MPP7: variants seen among roughly 807,000 people sequenced by gnomAD.
MPP7 encodes the protein MAGUK p55 subfamily member 7.
Under a neutral mutation model 76.5 loss-of-function variants are expected in MPP7, and 60 were observed. The ratio of observed to expected loss-of-function variants is 0.78; its 90% CI spans 0.64 to 0.97. MPP7 has a LOEUF of 0.97. MPP7 is among the 50% of genes least tolerant of loss of function. The pLI, the probability that MPP7 is intolerant of heterozygous loss-of-function variation, is 0.00. For synonymous variants in MPP7, 237 were observed against 244.5 expected (o/e 0.97, Z 0.29); for missense variants, 641 against 694.0 (o/e 0.92, Z 0.86).
intron 5 of MPP7, among the ~76,000 whole-genome samples, chr10:28,134,773 C>T (rs1382366893): frequency 6.6e-6 from 1 of 151,756 alleles, no homozygotes; most frequent in African/African-American, 2.4e-5. Flanking sequence ...AAGAGAAGAT[C>T]CTAAAAGTAC....
At chr10:28,321,585 T>C (rs1246203712) in intron 2 of MPP7, among the ~76,000 whole-genome samples, 1 of 152,094 alleles carries the variant, frequency 6.6e-6, no homozygotes, top group Admixed American at 6.5e-5. Flanking sequence ...TTAATAGAAA[T>C]TTTTTTGTTT....
intron 4 of MPP7, among the ~76,000 whole-genome samples, chr10:28,149,285 A>G (rs1332954776): frequency 6.6e-6 from 1 of 152,176 alleles, no homozygotes; most frequent in Non-Finnish European, 1.5e-5. Context: ...CGCACTAAAC[A>G]TATTTCTCTT....
chr10:28,261,131 C>A (rs1434223913), intron 1 of MPP7, among the ~76,000 whole-genome samples: 2 of 152,186 alleles, frequency 1.3e-5, no homozygotes, highest in Non-Finnish European at 2.9e-5. Context: ...CTCTGTAGTT[C>A]TCTTTCCAGA....
At chr10:28,165,963 T>C (rs1458178003) in intron 3 of MPP7, among the ~76,000 whole-genome samples, 1 of 141,886 alleles carries the variant, frequency 7.0e-6, no homozygotes, top group Admixed American at 7.7e-5. Context: ...AGGCAGAGGT[T>C]GCAGTGAGCC....
chr10:28,333,615 G>A (rs548555860), intron 1 of MPP7, among the ~76,000 whole-genome samples: 1 of 152,304 alleles, frequency 6.6e-6, no homozygotes, highest in South Asian at 2.1e-4. Context: ...AGGAAATACT[G>A]CAACTAAAGT....
intron 2 of MPP7, among the ~76,000 whole-genome samples, chr10:28,228,367 A>G (rs889978628): frequency 6.6e-5 from 10 of 152,194 alleles, no homozygotes; most frequent in South Asian, 2.1e-4. Context: ...AGGATAAAGG[A>G]TCATGATTTT....
At chr10:28,148,749 CT>C (rs1465828302) in intron 4 of MPP7, among the ~76,000 whole-genome samples, 1 of 151,968 alleles carries the variant, frequency 6.6e-6, no homozygotes, top group African/African-American at 2.4e-5. Flanking sequence ...TTATAAGATA[CT>C]ATGGTTTATC....
At chr10:28,295,260 G>A (rs569411575) in intron 1 of MPP7, among the ~76,000 whole-genome samples, 21 of 152,174 alleles carry the variant, frequency 1.4e-4, no homozygotes, top group Admixed American at 5.2e-4. Context: ...ATGAAGAAAC[G>A]AAAACAGTGT....
intron 11 of MPP7, among the ~76,000 whole-genome samples, chr10:28,099,829 A>T (rs1160193610): frequency 6.6e-6 from 1 of 152,078 alleles, no homozygotes; most frequent in Non-Finnish European, 1.5e-5. Flanking sequence ...AATAAATAAA[A>T]AATAAAGTTC....
intron 1 of MPP7, among the ~76,000 whole-genome samples, chr10:28,275,824 G>T (rs568693439): frequency 1.2e-3 from 180 of 152,000 alleles, no homozygotes; most frequent in African/African-American, 4.2e-3. Context: ...TCACGACAGA[G>T]CCATTATGAT....
intron 6 of MPP7, among the ~76,000 whole-genome samples, chr10:28,126,228 G>T (rs1280656078): frequency 6.6e-6 from 1 of 152,170 alleles, no homozygotes; most frequent in Non-Finnish European, 1.5e-5. Context: ...AGACTTGAAT[G>T]AGCATCACTT....
intron 6 of MPP7, among the ~76,000 whole-genome samples, chr10:28,128,980 C>G (rs1367659145): frequency 6.6e-6 from 1 of 152,098 alleles, no homozygotes; most frequent in Non-Finnish European, 1.5e-5. Context: ...TCTTGCTATC[C>G]CCTGATTCTA....
chr10:28,296,655 T>C (rs1358128268), intron 1 of MPP7, among the ~76,000 whole-genome samples: 1 of 152,204 alleles, frequency 6.6e-6, no homozygotes, highest in Non-Finnish European at 1.5e-5. Flanking sequence ...AAATAGCTCC[T>C]AAATTCACAG....
intron 3 of MPP7, among the ~76,000 whole-genome samples, chr10:28,172,787 T>G (rs1383712916): frequency 6.6e-6 from 1 of 152,234 alleles, no homozygotes; most frequent in Non-Finnish European, 1.5e-5. Context: ...TAAATTAGTC[T>G]TATTCTCAAT....
At chr10:28,066,032 A>G (rs1461358251) in intron 13 of MPP7, among the ~76,000 whole-genome samples, 1 of 152,180 alleles carries the variant, frequency 6.6e-6, no homozygotes, top group East Asian at 1.9e-4. Context: ...ATGATAACCT[A>G]TACAGCCTTA....
At chr10:28,170,109 T>A (rs1398523988) in intron 3 of MPP7, among the ~76,000 whole-genome samples, 2 of 152,166 alleles carry the variant, frequency 1.3e-5, no homozygotes, top group Admixed American at 6.5e-5. Context: ...TATCTAAGAG[T>A]ATTTTTCTTC....
intron 16 of MPP7, among the ~76,000 whole-genome samples, chr10:28,055,637 C>A (rs2133309183): frequency 6.6e-6 from 1 of 152,228 alleles, no homozygotes; most frequent in East Asian, 1.9e-4. Context: ...TAATATTGGT[C>A]TACTTATCCT....
chr10:28,061,959 T>C (rs985019781), intron 13 of MPP7, among the ~76,000 whole-genome samples: 3 of 151,988 alleles, frequency 2.0e-5, no homozygotes, highest in African/African-American at 7.2e-5. Context: ...CCTCCTCAGA[T>C]GAAGAGAAAC....
At chr10:28,182,201 GATATA>G (rs1837082423) in intron 3 of MPP7, among the ~76,000 whole-genome samples, 1 of 112,652 alleles carries the variant, frequency 8.9e-6, no homozygotes, top group African/African-American at 3.4e-5. Context: ...AATAGCAAAG[GATATA>G]AAAAGGAAAC....
Sources: gnomAD v4.1 joint callset for allele counts (sites outside exome capture counted in the v4.1 genomes callset) on GRCh38, gnomAD v4.1.1 for gene constraint, MANE v1.5 for transcripts, NCBI Gene and HGNC (gene_info 2026-07-23, HGNC 2026-07-21) for gene names.